FHIT: variants seen among roughly 807,000 people sequenced by gnomAD.
FHIT encodes the protein bis(5'-adenosyl)-triphosphatase.
A neutral mutation model predicts 17.9 loss-of-function variants in FHIT; 19 were observed. The ratio of observed to expected loss-of-function variants is 1.06; its 90% CI spans 0.74 to 1.56. The LOEUF (loss-of-function observed/expected upper bound fraction) is 1.56. Ranked by LOEUF, FHIT falls within the 40% of genes most tolerant of loss-of-function variation. FHIT has a pLI of 0.00. For synonymous variants in FHIT, 81 were observed against 69.7 expected (o/e 1.16, Z -0.81); for missense variants, 248 against 189.2 (o/e 1.31, Z -1.82).
intron 5 of FHIT, among the ~76,000 whole-genome samples, chr3:60,357,816 C>T (rs910573891): frequency 1.3e-5 from 1 of 77,154 alleles, no homozygotes; most frequent in African/African-American, 3.2e-5. Context: ...AATCACATGG[C>T]CATCATAGTC....
chr3:60,395,485 G>T (rs1487476328), intron 5 of FHIT, among the ~76,000 whole-genome samples: 4 of 152,142 alleles, frequency 2.6e-5, no homozygotes, highest in Admixed American at 2.6e-4. Flanking sequence ...CACAGTAAAA[G>T]AAAAGTGAGA....
At chr3:61,163,000 ATT>A (rs1462854367) in intron 2 of FHIT, among the ~76,000 whole-genome samples, 1 of 152,016 alleles carries the variant, frequency 6.6e-6, no homozygotes, top group African/African-American at 2.4e-5. Flanking sequence ...TTTCACCTTT[ATT>A]TGAGAATTAT....
intron 4 of FHIT, among the ~76,000 whole-genome samples, chr3:60,622,897 A>G (rs1553679332): frequency 6.6e-6 from 1 of 152,218 alleles, no homozygotes; most frequent in East Asian, 1.9e-4. Flanking sequence ...CTCTTCTCCC[A>G]GGCTCCTGCA....
intron 5 of FHIT, among the ~76,000 whole-genome samples, chr3:60,112,073 G>C (rs56263520): frequency 0.17 from 26,296 of 152,096 alleles, 2,477 homozygotes; most frequent in African/African-American, 0.23. Context: ...GCTAAGTATG[G>C]GATTATTTCT....
At chr3:59,970,160 T>C (rs1004831661) in intron 7 of FHIT, among the ~76,000 whole-genome samples, 1 of 152,152 alleles carries the variant, frequency 6.6e-6, no homozygotes, top group South Asian at 2.1e-4. Flanking sequence ...TATGAACAGA[T>C]GGTCTTTTCA....
chr3:61,121,334 A>G (rs1209726815), intron 2 of FHIT, among the ~76,000 whole-genome samples: 1 of 152,224 alleles, frequency 6.6e-6, no homozygotes, highest in Non-Finnish European at 1.5e-5. Flanking sequence ...TGTTAAGGGC[A>G]GTCAGAGAGA....
At chr3:60,226,367 G>T (rs577219968) in intron 5 of FHIT, among the ~76,000 whole-genome samples, 4 of 151,496 alleles carry the variant, frequency 2.6e-5, no homozygotes, top group African/African-American at 7.3e-5. Flanking sequence ...AGCTATTCGG[G>T]AGGCTGAGGC....
intron 5 of FHIT, among the ~76,000 whole-genome samples, chr3:60,466,966 G>T (rs896815080): frequency 6.6e-6 from 1 of 151,510 alleles, no homozygotes; most frequent in African/African-American, 2.4e-5. Context: ...GGTTCTTTAC[G>T]CATTTGCTAA....
chr3:61,149,282 G>C (rs2037315967), intron 2 of FHIT, among the ~76,000 whole-genome samples: 1 of 152,208 alleles, frequency 6.6e-6, no homozygotes, highest in African/African-American at 2.4e-5. Context: ...TGGGTACAAT[G>C]ACAAGGACAA....
chr3:60,882,895 C>T (rs553884972), intron 3 of FHIT, among the ~76,000 whole-genome samples: 3 of 152,156 alleles, frequency 2.0e-5, no homozygotes, highest in African/African-American at 7.2e-5. Context: ...AAATAAAGGG[C>T]ATTCAAAATG....
intron 3 of FHIT, among the ~76,000 whole-genome samples, chr3:60,865,809 A>G (rs73092748): frequency 0.019 from 2,891 of 152,310 alleles, 39 homozygotes; most frequent in Middle Eastern, 0.037. Context: ...TTAACACTTG[A>G]GAAACATCTA....
In FHIT at chr3:60,095,375, C is replaced by CT. The variant is rs540756299; in HGVS notation, c.104-81224dup. Reference sequence around the variant, plus strand: ...AAACCTTCTCTATTTATTCTAAGTGCTTTTTCTATTGTTTTTCAATTGCTT... The same window carrying CT: ...AAACCTTCTCTATTTATTCTAAGTGCTTTTTTCTATTGTTTTTCAATTGCTT... On this transcript the variant is annotated intron_variant, in intron 5 of 9. Transcript: ENST00000492590. Among the ~76,000 whole-genome samples, 608 of 152,264 alleles carry CT rather than the reference C, an allele frequency of 4.0e-3. 4 individuals carry two copies. The highest frequency in any genetic ancestry group is 0.019 in the South Asian group (93 of 4,820).
intron 3 of FHIT, among the ~76,000 whole-genome samples, chr3:61,024,337 C>G (rs1415650064): frequency 1.3e-5 from 2 of 152,082 alleles, no homozygotes; most frequent in Non-Finnish European, 2.9e-5. Context: ...ACAAAATAAC[C>G]TAGCCAAACA....
chr3:60,830,694 A>G lies in FHIT; in HGVS notation c.-110-8683T>C, dbSNP rs370152537. Among the ~76,000 whole-genome samples the G allele has an allele frequency of 2.6e-5, 4 of 152,224 alleles. No individual in the cohort carries two copies. In the East Asian group the frequency reaches 7.7e-4, roughly 29 times the overall value. ...TACATTAGGAGAGCAAAAAGCTATA[A>G]TATGGCCTATCTGGCTAACTATCGG... is the stretch of plus-strand genomic sequence containing the variant. On this transcript the variant is annotated intron_variant, in intron 3 of 9. Coordinates refer to ENST00000492590, the MANE Select transcript of FHIT (RefSeq NM_002012.4).
intron 1 of FHIT, among the ~76,000 whole-genome samples, chr3:61,203,883 G>T (rs1225564578): frequency 6.6e-6 from 1 of 152,226 alleles, no homozygotes; most frequent in Non-Finnish European, 1.5e-5. Context: ...TACTCACAGA[G>T]ATTTGTACAA....
At chr3:59,914,134 T>G (rs1192042463) in intron 8 of FHIT, among the ~76,000 whole-genome samples, 1 of 152,198 alleles carries the variant, frequency 6.6e-6, no homozygotes, top group Non-Finnish European at 1.5e-5. Flanking sequence ...ATATAATTTT[T>G]AACTCAACAT....
At chr3:60,146,420 A>G (rs1187537252) in intron 5 of FHIT, among the ~76,000 whole-genome samples, 1 of 151,974 alleles carries the variant, frequency 6.6e-6, no homozygotes, top group Non-Finnish European at 1.5e-5. Flanking sequence ...ACAATATCAT[A>G]AACACCCCAT....
At chr3:60,588,229 G>C (rs576880432) in intron 4 of FHIT, among the ~76,000 whole-genome samples, 3 of 152,004 alleles carry the variant, frequency 2.0e-5, no homozygotes, top group African/African-American at 7.2e-5. Flanking sequence ...AGCTGAACTT[G>C]ATCATATTTT....
intron 2 of FHIT, among the ~76,000 whole-genome samples, chr3:61,053,193 G>T (rs550617489): frequency 6.6e-6 from 1 of 152,216 alleles, no homozygotes; most frequent in East Asian, 1.9e-4. Context: ...GTACTTAAGA[G>T]ATCTCAAATA....
Sources: gnomAD v4.1 joint callset for allele counts (sites outside exome capture counted in the v4.1 genomes callset) on GRCh38, gnomAD v4.1.1 for gene constraint, MANE v1.5 for transcripts, NCBI Gene and HGNC (gene_info 2026-07-23, HGNC 2026-07-21) for gene names.